Variants in CYSLTR1 observed in about 807,000 individuals in gnomAD.
CYSLTR1 encodes the protein G-protein coupled receptor HG55.
In CYSLTR1, 1 loss-of-function variant was observed where a neutral mutation model predicts 2.1. The observed-to-expected ratio is 0.48, with a 90% CI of 0.17 to 2.28. The LOEUF (loss-of-function observed/expected upper bound fraction) is 2.28, where lower values mean the gene tolerates loss of function less well. Ranked by LOEUF, CYSLTR1 falls within the 30% of genes most tolerant of loss-of-function variation. The probability of loss-of-function intolerance (pLI) is 0.26; values close to 1 mark genes in which losing one functional copy is unlikely to be tolerated. For synonymous variants in CYSLTR1, 110 were observed against 89.6 expected, an observed-to-expected ratio of 1.23 and a Z score of -1.28; for missense variants, 299 against 250.1, an observed-to-expected ratio of 1.20 and a Z score of -1.32.
At chrX:78,292,906 C>T (rs1221381143) in intron 1 of CYSLTR1, among the ~76,000 whole-genome samples, 1 of 108,868 alleles carries the variant, frequency 9.2e-6, no homozygotes, top group African/African-American at 3.4e-5. Flanking sequence ...ATACAGCATA[C>T]TGATGGGTCT....
chrX:78,298,821 C>T (rs1214592216), intron 1 of CYSLTR1, among the ~76,000 whole-genome samples: 2 of 110,977 alleles, frequency 1.8e-5, no homozygotes, highest in Non-Finnish European at 3.8e-5. Flanking sequence ...GTTTTTTCAT[C>T]CTTTCAGCCA....
At position 78,272,645 on chromosome X, in the gene CYSLTR1, TA is replaced by T; in HGVS notation, c.*87del. ...AGTTAAGTATTTGTAAAATATTAAG[TA>T]AAATTTTTATTTTTTTTGTAAATGA... is the stretch of plus-strand genomic sequence containing the variant. On this transcript the variant is annotated 3_prime_UTR_variant, in exon 3 of 3. Coordinates refer to ENST00000373304, the MANE Select transcript of CYSLTR1 (RefSeq NM_006639.4). 1 of 942,403 alleles carries T rather than the reference TA, an allele frequency of 1.1e-6. No individual in the cohort carries two copies. The allele number at this position is 942,403 out of a possible 1,213,427, so 77.7% of individuals were successfully genotyped here. A position where few individuals can be genotyped will look rare whatever the true frequency, so the allele number is the denominator to read the frequency against.
chrX:78,320,773 C>T (rs1329362714), intron 1 of CYSLTR1: 1 of 111,250 alleles, frequency 9.0e-6, no homozygotes, highest in African/African-American at 3.3e-5. Flanking sequence ...TGTTTGTATC[C>T]TCTTTTATTT....
intron 1 of CYSLTR1, among the ~76,000 whole-genome samples, chrX:78,284,774 AAG>A (rs1557263131): frequency 9.1e-6 from 1 of 110,380 alleles, no homozygotes; most frequent in Admixed American, 9.7e-5. Context: ...AAAAAAAAAA[AAG>A]AAAAAAGGAA....
At chrX:78,295,488 G>GT (rs1390139878) in intron 1 of CYSLTR1, among the ~76,000 whole-genome samples, 1 of 108,361 alleles carries the variant, frequency 9.2e-6, no homozygotes, top group African/African-American at 3.4e-5. Flanking sequence ...CATAGTGGTT[G>GT]TACTAATTTA....
intron 2 of CYSLTR1, among the ~76,000 whole-genome samples, chrX:78,275,407 T>C (rs1162112259): frequency 2.7e-5 from 3 of 111,651 alleles, no homozygotes; most frequent in Non-Finnish European, 5.6e-5. Context: ...CCATAAAAAA[T>C]GATGAGTTCA....
At chrX:78,298,568 T>C (rs1158389257) in intron 1 of CYSLTR1, among the ~76,000 whole-genome samples, 2 of 111,591 alleles carry the variant, frequency 1.8e-5, no homozygotes, top group African/African-American at 6.5e-5. Flanking sequence ...GTTGGATGCA[T>C]ATATATATTT....
chrX:78,317,416 T>C (rs1322782877), intron 1 of CYSLTR1, among the ~76,000 whole-genome samples: 1 of 112,569 alleles, frequency 8.9e-6, no homozygotes, highest in African/African-American at 3.2e-5. Context: ...TGGAAAACAG[T>C]ATGGAAATTA....
chrX:78,276,615 AT>A (rs1265362382), intron 2 of CYSLTR1, among the ~76,000 whole-genome samples: 2 of 110,398 alleles, frequency 1.8e-5, no homozygotes, highest in Non-Finnish European at 3.8e-5. Context: ...TGGTTGTTCA[AT>A]TTTTTCCCTT....
chrX:78,273,682 C>A lies in CYSLTR1; in HGVS notation c.65G>T (p.Arg22Leu). The change falls in exon 3 of 3, where the codon CGC becomes CTC. Residue 22 changes from arginine to leucine, a missense_variant. Physicochemically the swap from Arg to Leu is moderately radical, Grantham distance 102. Coordinates refer to ENST00000373304, the MANE Select transcript of CYSLTR1 (RefSeq NM_006639.4). ...GTACAAGGTGGAATACACTTGATTG[C>A]GGAAGTCATCAATAGTGTCATGGCA... is the stretch of plus-strand genomic sequence containing the variant. ...ATCHDTIDDF[R>L]NQVYSTLYSM... 2 of 1,210,110 alleles carry A rather than the reference C, an allele frequency of 1.7e-6. No homozygotes were observed. Among genetic ancestry groups the A allele is most frequent in the East Asian group, 3.0e-5 (1 of 33,824 alleles).
intron 1 of CYSLTR1, among the ~76,000 whole-genome samples, chrX:78,323,181 T>A (rs1308864544): frequency 1.8e-5 from 2 of 111,617 alleles, no homozygotes; most frequent in East Asian, 5.6e-4. Flanking sequence ...TTTTGAACTT[T>A]TTGTAAAGCA....
chrX:78,305,001 G>A lies in CYSLTR1; in HGVS notation c.-114-21461C>T, dbSNP rs1277903768. Reference sequence around the variant, plus strand: ...TCTACATCTTGTTATTGGGCCAGGAGAAATATCAGCCCGACCCTCAGTTTG... The same window carrying A: ...TCTACATCTTGTTATTGGGCCAGGAAAAATATCAGCCCGACCCTCAGTTTG... On this transcript the variant is annotated intron_variant, in intron 1 of 2. Transcript: ENST00000373304. 3.6e-5 allele frequency among the ~76,000 whole-genome samples: 4 copies of A among 111,621 alleles called. No homozygotes were observed. In the East Asian group the frequency reaches 1.1e-3, roughly 31 times the overall value.
intron 1 of CYSLTR1, among the ~76,000 whole-genome samples, chrX:78,298,655 G>T (rs974469198): frequency 2.7e-5 from 3 of 111,298 alleles, no homozygotes; most frequent in Non-Finnish European, 3.8e-5. Flanking sequence ...ATATTTTTGG[G>T]TTGAAATCTA....
chrX:78,279,110 G>C (rs767269601), intron 2 of CYSLTR1, among the ~76,000 whole-genome samples: 1 of 111,822 alleles, frequency 8.9e-6, no homozygotes, highest in Admixed American at 9.5e-5. Context: ...TTAACAATTG[G>C]GATCTAATTA....
intron 1 of CYSLTR1, among the ~76,000 whole-genome samples, chrX:78,301,172 GC>G (rs1191629269): frequency 8.9e-6 from 1 of 112,217 alleles, no homozygotes; most frequent in Non-Finnish European, 1.9e-5. Flanking sequence ...GATGGGAGGG[GC>G]TGCTGCAAAG....
intron 1 of CYSLTR1, among the ~76,000 whole-genome samples, chrX:78,316,013 G>T (rs1923403263): frequency 8.9e-6 from 1 of 112,361 alleles, no homozygotes; most frequent in Non-Finnish European, 1.9e-5. Flanking sequence ...GGATGCTTGT[G>T]TCACTCCACC....
intron 1 of CYSLTR1, among the ~76,000 whole-genome samples, chrX:78,309,566 G>A (rs774675573): frequency 9.0e-6 from 1 of 111,662 alleles, no homozygotes; most frequent in South Asian, 3.8e-4. Context: ...AGAGATGACA[G>A]CTATGTTCCC....
At chrX:78,320,182 C>T (rs1026579200) in intron 1 of CYSLTR1, 2 of 112,036 alleles carry the variant, frequency 1.8e-5, no homozygotes, top group South Asian at 7.4e-4. Flanking sequence ...GAAGTACTTG[C>T]CCATGCCTAT....
chrX:78,319,463 C>T (rs1286979819), intron 1 of CYSLTR1: 1 of 110,231 alleles, frequency 9.1e-6, no homozygotes, highest in Admixed American at 9.7e-5. Context: ...TTTATGGCTG[C>T]ATAGTATTCC....
Sources: gnomAD v4.1 joint callset for allele counts (sites outside exome capture counted in the v4.1 genomes callset) on GRCh38, gnomAD v4.1.1 for gene constraint, MANE v1.5 for transcripts, NCBI Gene and HGNC (gene_info 2026-07-23, HGNC 2026-07-21) for gene names.